RPS6KC1: variants seen among roughly 807,000 people sequenced by gnomAD.
The protein encoded by RPS6KC1 is inactive ribosomal protein S6 kinase delta-1.
RPS6KC1 carries 54 observed loss-of-function variants against 103.8 expected under a neutral mutation model. That is an observed-to-expected ratio of 0.52 (90% CI 0.42 to 0.65). The LOEUF (loss-of-function observed/expected upper bound fraction) is 0.65. RPS6KC1 is among the 30% of genes least tolerant of loss of function. RPS6KC1 has a pLI of 0.00. For missense variants in RPS6KC1, 1,151 were observed against 1,253.8 expected, an observed-to-expected ratio of 0.92 and a Z score of 1.24; for synonymous variants, 439 against 438.7, an observed-to-expected ratio of 1.00 and a Z score of -0.01.
At chr1:213,266,069 A>G (rs1349597213) in intron 14 of RPS6KC1, among the ~76,000 whole-genome samples, 1 of 152,218 alleles carries the variant, frequency 6.6e-6, no homozygotes, top group Non-Finnish European at 1.5e-5. Context: ...GCATGTGATA[A>G]GTGTCGTGTA....
At chr1:213,510,708 C>T in the RPS6KC1 span, among the ~76,000 whole-genome samples, 1 of 152,168 alleles carries the variant, frequency 6.6e-6, no homozygotes, top group Non-Finnish European at 1.5e-5. Flanking sequence ...TGACTCTACC[C>T]AGATCCTCCC....
chr1:213,534,566 C>T, the RPS6KC1 span, among the ~76,000 whole-genome samples: 1 of 152,190 alleles, frequency 6.6e-6, no homozygotes, highest in East Asian at 1.9e-4. Flanking sequence ...GCAAACCACA[C>T]AGCTCCTTAG....
At chr1:213,825,815 T>C in the RPS6KC1 span, among the ~76,000 whole-genome samples, 1 of 152,228 alleles carries the variant, frequency 6.6e-6, no homozygotes, top group Non-Finnish European at 1.5e-5. Context: ...TGGGATATTT[T>C]TGAGAAAATA....
At chr1:213,361,488 T>G in the RPS6KC1 span, among the ~76,000 whole-genome samples, 1 of 152,244 alleles carries the variant, frequency 6.6e-6, no homozygotes, top group Non-Finnish European at 1.5e-5. Flanking sequence ...GGGAATTCCC[T>G]GACCCCTTGC....
intron 14 of RPS6KC1, among the ~76,000 whole-genome samples, chr1:213,271,132 CGT>C (rs2095038297): frequency 6.6e-6 from 1 of 152,066 alleles, no homozygotes; most frequent in Admixed American, 6.5e-5. Context: ...TGTACATGAA[CGT>C]TAATAGCAAC....
At chr1:213,696,186 C>T in the RPS6KC1 span, among the ~76,000 whole-genome samples, 4 of 152,156 alleles carry the variant, frequency 2.6e-5, no homozygotes, top group African/African-American at 9.7e-5. Context: ...TCCTTGATTA[C>T]TGCTATTCTT....
chr1:213,794,142 G>T, the RPS6KC1 span, among the ~76,000 whole-genome samples: 1 of 152,160 alleles, frequency 6.6e-6, no homozygotes, highest in Non-Finnish European at 1.5e-5. Context: ...AATGCAAATA[G>T]GAAGAACTGG....
intron 1 of RPS6KC1, among the ~76,000 whole-genome samples, chr1:213,066,746 CAG>C (rs1189605189): frequency 6.6e-6 from 1 of 152,118 alleles, no homozygotes; most frequent in African/African-American, 2.4e-5. Context: ...TATGGGAAAA[CAG>C]GAACTACAGA....
At chr1:213,802,816 C>A in the RPS6KC1 span, among the ~76,000 whole-genome samples, 1 of 152,084 alleles carries the variant, frequency 6.6e-6, no homozygotes, top group Non-Finnish European at 1.5e-5. Flanking sequence ...GGGAGGCTAC[C>A]AACCTTTTGT....
At chr1:213,842,014 T>G in the RPS6KC1 span, 3 of 152,316 alleles carry the variant, frequency 2.0e-5, no homozygotes, top group Non-Finnish European at 4.4e-5. Flanking sequence ...TACACCAGCT[T>G]TTACACTGGA....
chr1:213,342,703 T>C, the RPS6KC1 span, among the ~76,000 whole-genome samples: 1 of 152,120 alleles, frequency 6.6e-6, no homozygotes, highest in Non-Finnish European at 1.5e-5. Flanking sequence ...AACACAAAAG[T>C]CTACACGATC....
At chr1:213,423,001 G>A in the RPS6KC1 span, among the ~76,000 whole-genome samples, 1 of 152,224 alleles carries the variant, frequency 6.6e-6, no homozygotes, top group East Asian at 1.9e-4. Flanking sequence ...AAAACCTGGA[G>A]TTTCACTAGC....
At chr1:213,157,629 C>T (rs2090044963) in intron 6 of RPS6KC1, among the ~76,000 whole-genome samples, 1 of 152,178 alleles carries the variant, frequency 6.6e-6, no homozygotes, top group Non-Finnish European at 1.5e-5. Flanking sequence ...GGAGAATGTT[C>T]TGTGTGTGCT....
the RPS6KC1 span, among the ~76,000 whole-genome samples, chr1:213,548,791 C>G: frequency 1.3e-5 from 2 of 152,054 alleles, no homozygotes; most frequent in African/African-American, 4.8e-5. Flanking sequence ...ATGGTGGGCT[C>G]ATGGGAAATC....
At chr1:213,143,301 C>A (rs2149103099) in intron 6 of RPS6KC1, among the ~76,000 whole-genome samples, 1 of 151,678 alleles carries the variant, frequency 6.6e-6, no homozygotes, top group East Asian at 1.9e-4. Flanking sequence ...GTCTCCTAAT[C>A]TTTTGGATGT....
chr1:213,486,466 G>A, the RPS6KC1 span, among the ~76,000 whole-genome samples: 4 of 152,122 alleles, frequency 2.6e-5, no homozygotes, highest in Non-Finnish European at 5.9e-5. Context: ...ACACACATAG[G>A]ACTCTGGATG....
chr1:213,424,416 G>A, the RPS6KC1 span, among the ~76,000 whole-genome samples: 1 of 152,376 alleles, frequency 6.6e-6, no homozygotes, highest in South Asian at 2.1e-4. Flanking sequence ...GAAGAAATGG[G>A]TTTAGGTAAC....
At chr1:213,577,923 A>T in the RPS6KC1 span, among the ~76,000 whole-genome samples, 2 of 152,258 alleles carry the variant, frequency 1.3e-5, no homozygotes, top group Admixed American at 6.5e-5. Context: ...ACATTTGCAT[A>T]AGTAACGAGG....
At chr1:213,618,074 G>A in the RPS6KC1 span, among the ~76,000 whole-genome samples, 3 of 152,086 alleles carry the variant, frequency 2.0e-5, no homozygotes, top group Non-Finnish European at 4.4e-5. Flanking sequence ...GAAAAACTGG[G>A]CCAACTTAAT....
Sources: gnomAD v4.1 joint callset for allele counts (sites outside exome capture counted in the v4.1 genomes callset) on GRCh38, gnomAD v4.1.1 for gene constraint, MANE v1.5 for transcripts, NCBI Gene and HGNC (gene_info 2026-07-23, HGNC 2026-07-21) for gene names.